The following SYNE2 variants were observed in gnomAD, a reference collection of about 807,000 sequenced individuals.
SYNE2 encodes the protein spectrin repeat containing nuclear envelope protein 2.
In SYNE2, 431 loss-of-function variants were observed where a neutral mutation model predicts 856.3. That is an observed-to-expected ratio of 0.50 (90% CI 0.47 to 0.55). The LOEUF (loss-of-function observed/expected upper bound fraction) is 0.55. SYNE2 is among the 20% of genes least tolerant of loss of function. The pLI, the probability that SYNE2 is intolerant of heterozygous loss-of-function variation, is 0.00. For synonymous variants in SYNE2, 2,923 were observed against 2,872.3 expected (o/e 1.02, Z -0.56); for missense variants, 8,129 against 8,023.2 (o/e 1.01, Z -0.50).
intron 1 of SYNE2, among the ~76,000 whole-genome samples, chr14:63,767,392 G>A (rs1886723501): frequency 6.6e-6 from 1 of 152,122 alleles, no homozygotes; most frequent in African/African-American, 2.4e-5. Context: ...TTACAGGCAT[G>A]AGCCACTGTG....
In SYNE2 at chr14:64,225,918, C is replaced by G. The variant is rs1055791893; in HGVS notation, c.*392C>G. ...TATTATAGAAGCAAGCGAGGACATT[C>G]CACCCTAGAAATGGTTCAGAAACTC... is the stretch of plus-strand genomic sequence containing the variant. On this transcript the variant is annotated 3_prime_UTR_variant, in exon 116 of 116. Coordinates refer to ENST00000555002, the MANE Select transcript of SYNE2 (RefSeq NM_182914.3). 5 of 410,088 alleles carry G rather than the reference C, an allele frequency of 1.2e-5. No homozygotes were observed. Among genetic ancestry groups the G allele is most frequent in the Middle Eastern group, 6.5e-4 (1 of 1,540 alleles). The allele number at this position is 410,088 out of a possible 1,614,324, so 25.4% of individuals were successfully genotyped here.
intron 10 of SYNE2, 81 bp from the exon 11 acceptor site, chr14:63,967,625 TACC>T: frequency 2.8e-6 from 4 of 1,416,172 alleles, no homozygotes; most frequent in Non-Finnish European, 3.9e-6. Flanking sequence ...ATATATCCTA[TACC>T]TATAGACCTC....
At position 64,221,711 on chromosome 14, in the gene SYNE2, T is replaced by A; in HGVS notation, c.20190+7T>A. 2 of 1,613,494 alleles carry A rather than the reference T, an allele frequency of 1.2e-6. No individual in the cohort carries two copies. The highest frequency in any genetic ancestry group is 1.7e-6 in the Non-Finnish European group (2 of 1,179,554). The stretch of plus-strand genomic sequence containing the variant: ...GTGTCGGAGGGAACTAATGGTAAGT[T>A]TCCTCCCAAGGGCTCTGTACTGCCA... On this transcript the variant is annotated splice_region_variant and intron_variant, in intron 112 of 115. Transcript: ENST00000555002.
At chr14:64,202,721 T>C in intron 99 of SYNE2, 80 bp from the exon 100 acceptor site, 1 of 1,589,076 alleles carries the variant, frequency 6.3e-7, no homozygotes, top group Admixed American at 1.7e-5. Context: ...GGCACATTCT[T>C]CCACCACTAA....
rs773172045 is a variant in SYNE2 at position 63,986,555 on chromosome 14, G to T, written c.2251G>T (p.Ala751Ser). Reference sequence around the variant, plus strand: ...CATTGGACAAGTGGAAATCTGGGAGGCAGAAGCCAAATCTGTTTTGGATCA... The same window carrying T: ...CATTGGACAAGTGGAAATCTGGGAGTCAGAAGCCAAATCTGTTTTGGATCA... ...KLIGQVEIWE[A>S]EAKSVLDQDD... Residue 751 changes from alanine (A) to serine (S), a missense_variant, in exon 19 of 116, where the codon GCA (alanine) becomes TCA (serine). Physicochemically the swap from Ala to Ser is moderately conservative, Grantham distance 99 (BLOSUM62 1). Transcript: ENST00000555002. The T allele has an allele frequency of 3.1e-6, 5 of 1,614,136 alleles. No individual in the cohort carries two copies. The highest frequency in any genetic ancestry group is 1.6e-4 in the Middle Eastern group (1 of 6,062).
Position 64,163,490 on chromosome 14 carries a change from G to T in SYNE2, c.16388G>T (p.Ser5463Ile). ...LDRLPQPAES[S>I]THMLLPGPLH... ...CGACTCCCACAACCCGCAGAGTCCA[G>T]CACCCACATGCTCCTCCCGGGCCCC... The change falls in exon 89 of 116, where the codon AGC becomes ATC. Residue 5463 changes from serine (S) to isoleucine (I), a missense_variant. Coordinates refer to ENST00000555002, the MANE Select transcript of SYNE2 (RefSeq NM_182914.3). The T allele has an allele frequency of 6.2e-7, 1 of 1,614,150 alleles. No individual in the cohort carries two copies.
chr14:63,982,837 C>A, intron 17 of SYNE2, 43 bp downstream of exon 17: 2 of 1,582,236 alleles, frequency 1.3e-6, no homozygotes, highest in Non-Finnish European at 1.7e-6. Context: ...AGATATGATT[C>A]ATGTACCACA....
At chr14:63,938,053 C>T (rs150356683) in intron 2 of SYNE2, among the ~76,000 whole-genome samples, 5 of 152,088 alleles carry the variant, frequency 3.3e-5, no homozygotes, top group East Asian at 1.9e-4. Context: ...AGTATGACCA[C>T]GACAGCAAGG....
At position 63,998,931 on chromosome 14, in the gene SYNE2, A is replaced by T; in HGVS notation, c.3371A>T (p.Asp1124Val). The T allele has an allele frequency of 6.2e-7, 1 of 1,614,088 alleles. No homozygotes were observed. The highest frequency in any genetic ancestry group is 8.5e-7 in the Non-Finnish European group (1 of 1,179,980). ...TTGCCCAGGTATGATACATACAGAG[A>T]TATTCTTGAACACCACCTGCAAAAC... ...SLLERYDTYR[D>V]ILEHHLQNNK... Residue 1124 changes from aspartate to valine, a missense_variant, in exon 27 of 116, where the codon GAT becomes GTT. Asp to Val is a radical substitution (Grantham distance 152). Transcript: ENST00000555002.
chr14:64,015,504 C>G (rs2153525007), intron 32 of SYNE2, among the ~76,000 whole-genome samples: 1 of 152,152 alleles, frequency 6.6e-6, no homozygotes, highest in African/African-American at 2.4e-5. Flanking sequence ...AACTTATTAT[C>G]TGCTTGATGT....
At chr14:64,189,817 A>T (rs943948783) in intron 98 of SYNE2, among the ~76,000 whole-genome samples, 1 of 152,076 alleles carries the variant, frequency 6.6e-6, no homozygotes, top group Non-Finnish European at 1.5e-5. Flanking sequence ...GACTACAGAC[A>T]TGTGCCAGCA....
intron 18 of SYNE2, among the ~76,000 whole-genome samples, chr14:63,984,479 A>C (rs2096610180): frequency 6.6e-6 from 1 of 152,184 alleles, no homozygotes; most frequent in Non-Finnish European, 1.5e-5. Flanking sequence ...TGACTAGTGC[A>C]CAGAAATTGG....
At chr14:64,020,138 A>G (rs764432578) in intron 35 of SYNE2, 45 bp downstream of exon 35, 3 of 1,364,924 alleles carry the variant, frequency 2.2e-6, no homozygotes, top group Admixed American at 1.7e-5. Context: ...GGCTTCAGTA[A>G]GCCATAATCA....
At chr14:64,212,579 T>A (rs2098646988) in intron 104 of SYNE2, among the ~76,000 whole-genome samples, 2 of 152,228 alleles carry the variant, frequency 1.3e-5, no homozygotes. Context: ...TGTCAAACTT[T>A]TAGAATTATT....
chr14:63,897,655 G>A (rs1176088643), intron 1 of SYNE2, among the ~76,000 whole-genome samples: 1 of 152,152 alleles, frequency 6.6e-6, no homozygotes, highest in South Asian at 2.1e-4. Context: ...ATTCGCAGCC[G>A]GTGCTGTTCT....
rs1003918960 is a variant in SYNE2 at position 64,133,620 on chromosome 14, G to A, written c.14515-449G>A. ...CAGACCTATGCTGCAAGTGGCATGG[G>A]GGTTTGGTGGGCTTGGGCGTGGGCT... On this transcript the variant is annotated intron_variant, in intron 77 of 115. Coordinates refer to ENST00000555002, the MANE Select transcript of SYNE2 (RefSeq NM_182914.3). Among the ~76,000 whole-genome samples the A allele has an allele frequency of 5.9e-5, 9 of 152,302 alleles. No individual in the cohort carries two copies. The South Asian group carries it at 1.5e-3, about 25-fold the overall frequency.
At chr14:64,185,519 C>CTTTTTTTTTTTTTTTTTTTTTTTTTTT (rs66490444) in intron 96 of SYNE2, among the ~76,000 whole-genome samples, 2 of 77,476 alleles carry the variant, frequency 2.6e-5, no homozygotes, top group Non-Finnish European at 4.8e-5. Context: ...TTTTCTTTTT[C>CTTTTTTTTTTTTTTTTTTTTTTTTTTT]TTTTTTTTTT....
chr14:63,905,271 A>G (rs1295229393), intron 1 of SYNE2, among the ~76,000 whole-genome samples: 1 of 152,056 alleles, frequency 6.6e-6, no homozygotes, highest in East Asian at 1.9e-4. Flanking sequence ...CTTTTTTCTT[A>G]GGATTGCTTT....
At chr14:63,962,687 T>C (rs562438798) in intron 9 of SYNE2, among the ~76,000 whole-genome samples, 6 of 152,216 alleles carry the variant, frequency 3.9e-5, no homozygotes, top group East Asian at 1.9e-4. Context: ...ATTATAGGCA[T>C]GGACCATCCT....
Sources: allele counts gnomAD v4.1 joint callset (sites outside exome capture counted in the v4.1 genomes callset), GRCh38; gene constraint gnomAD v4.1.1; transcripts MANE v1.5; gene names NCBI Gene and HGNC (gene_info 2026-07-23, HGNC 2026-07-21).